CSMD1: variants seen among roughly 807,000 people sequenced by gnomAD.
CSMD1 encodes CUB and Sushi multiple domains 1.
CSMD1 carries 213 observed loss-of-function variants against 417.5 expected under a neutral mutation model. The ratio of observed to expected loss-of-function variants is 0.51; its 90% CI spans 0.46 to 0.57. CSMD1 has a LOEUF of 0.57. Ranked by LOEUF, CSMD1 falls within the 20% of genes least tolerant of loss-of-function variation. CSMD1 has a pLI of 0.00. For missense variants in CSMD1, 6,923 were observed against 4,529.7 expected, an observed-to-expected ratio of 1.53 and a Z score of -15.17; for synonymous variants, 2,862 against 1,736.8, an observed-to-expected ratio of 1.65 and a Z score of -16.11.
intron 5 of CSMD1, among the ~76,000 whole-genome samples, chr8:3,970,959 C>A (rs527482102): frequency 1.3e-5 from 2 of 152,028 alleles, no homozygotes; most frequent in African/African-American, 4.8e-5. Flanking sequence ...CCATGTTGGC[C>A]GGGCTGGTCT....
At chr8:2,994,904 T>C (rs1806743415) in intron 54 of CSMD1, among the ~76,000 whole-genome samples, 2 of 152,300 alleles carry the variant, frequency 1.3e-5, no homozygotes, top group South Asian at 4.1e-4. Flanking sequence ...TCTCAGACTT[T>C]ATACAAAAAT....
At chr8:3,035,975 T>C (rs1369882528) in intron 50 of CSMD1, among the ~76,000 whole-genome samples, 1 of 152,182 alleles carries the variant, frequency 6.6e-6, no homozygotes, top group Admixed American at 6.5e-5. Flanking sequence ...ACATGGTTAA[T>C]ACCATTGACT....
At chr8:3,763,355 C>A (rs1225005441) in intron 5 of CSMD1, among the ~76,000 whole-genome samples, 2 of 152,068 alleles carry the variant, frequency 1.3e-5, no homozygotes, top group East Asian at 1.9e-4. Flanking sequence ...GGGGGCAGAA[C>A]CCTCATGAAT....
Position 2,965,829 on chromosome 8 carries a change from T to C in CSMD1, c.9226A>G (p.Thr3076Ala). The C allele has an allele frequency of 1.9e-6, 3 of 1,609,100 alleles. No homozygotes were observed. The highest frequency in any genetic ancestry group is 2.5e-6 in the Non-Finnish European group (3 of 1,177,630). Residue 3076 changes from threonine to alanine, a missense_variant, in exon 59 of 70, where the codon ACT (threonine) becomes GCT (alanine). Coordinates refer to ENST00000635120, the MANE Select transcript of CSMD1 (RefSeq NM_033225.6). The part of the protein sequence containing the change: ...GYVMEAVTSA[T>A]IRCTKDGRWN... ...CTGCCGTCTTTGGTACAGCGAATAG[T>C]GGCGGATGTGACTGCTTCCATGACA...
At chr8:4,148,900 T>G (rs569626101) in intron 3 of CSMD1, among the ~76,000 whole-genome samples, 323 of 152,250 alleles carry the variant, frequency 2.1e-3, no homozygotes, top group Middle Eastern at 6.8e-3. Context: ...ATTCCCAACA[T>G]AGTTCACCAT....
intron 5 of CSMD1, among the ~76,000 whole-genome samples, chr8:3,779,110 T>G (rs1359597405): frequency 6.6e-6 from 1 of 151,998 alleles, no homozygotes; most frequent in Non-Finnish European, 1.5e-5. Flanking sequence ...TAATGTCTAT[T>G]TTTCAGATAA....
At chr8:3,283,784 C>G (rs963509082) in intron 26 of CSMD1, among the ~76,000 whole-genome samples, 3 of 152,246 alleles carry the variant, frequency 2.0e-5, no homozygotes, top group African/African-American at 7.2e-5. Flanking sequence ...TTTATCACCA[C>G]TAAATTCTAT....
intron 3 of CSMD1, among the ~76,000 whole-genome samples, chr8:4,324,946 T>C (rs528757207): frequency 5.9e-4 from 89 of 152,134 alleles, no homozygotes; most frequent in African/African-American, 2.0e-3. Flanking sequence ...AAGGAGGCAA[T>C]TGTATTTGGA....
intron 3 of CSMD1, among the ~76,000 whole-genome samples, chr8:4,358,872 A>G (rs538649933): frequency 5.9e-5 from 9 of 152,164 alleles, no homozygotes; most frequent in Non-Finnish European, 8.8e-5. Context: ...GGTTTTACCA[A>G]TAATCACCAT....
intron 5 of CSMD1, among the ~76,000 whole-genome samples, chr8:3,920,292 CCCAAAGTGCTGAGAT>C (rs1809143735): frequency 6.6e-6 from 1 of 152,016 alleles, no homozygotes; most frequent in South Asian, 2.1e-4. Context: ...ACTTCAACCT[CCCAAAGTGCTGAGAT>C]TATAGGAGTG....
rs867716199 is a variant in CSMD1, at chr8:4,364,812, G to A, written c.415+55141C>T. Among the ~76,000 whole-genome samples, 12 of 9,740 alleles carry A rather than the reference G, an allele frequency of 1.2e-3. 5 individuals carry two copies. Among genetic ancestry groups the A allele is most frequent in the East Asian group, 2.7e-3 (1 of 364 alleles). 6.4% of individuals were successfully genotyped at this position (9,740 alleles called of 152,430 possible). On this transcript the variant is annotated intron_variant, in intron 3 of 69. Transcript: ENST00000635120. ...TGCACTCCAGCCTGCGCGACAGAGCGAGACTCCTTCTCAAAAAAAAAAAAA... is the reference window on the plus strand; with the variant it reads ...TGCACTCCAGCCTGCGCGACAGAGCAAGACTCCTTCTCAAAAAAAAAAAAA...
At chr8:3,122,866 AG>A (rs1231141166) in intron 41 of CSMD1, among the ~76,000 whole-genome samples, 2 of 152,176 alleles carry the variant, frequency 1.3e-5, no homozygotes, top group Admixed American at 1.3e-4. Flanking sequence ...ACCATACAGT[AG>A]CTACATTATA....
At chr8:3,677,882 T>A (rs947047547) in intron 7 of CSMD1, among the ~76,000 whole-genome samples, 3 of 152,198 alleles carry the variant, frequency 2.0e-5, no homozygotes, top group African/African-American at 7.2e-5. Context: ...CAGCCCTTTT[T>A]TTCCATCATG....
chr8:4,431,866 A>G (rs1281912376), intron 2 of CSMD1, among the ~76,000 whole-genome samples: 1 of 152,236 alleles, frequency 6.6e-6, no homozygotes, highest in Non-Finnish European at 1.5e-5. Flanking sequence ...TTGGTGGAAT[A>G]AAATTTATTA....
intron 54 of CSMD1, among the ~76,000 whole-genome samples, chr8:2,995,651 G>A (rs1047048304): frequency 9.9e-5 from 15 of 152,110 alleles, no homozygotes; most frequent in Admixed American, 3.9e-4. Flanking sequence ...CAACCCAGAC[G>A]TCCTTCAATG....
intron 1 of CSMD1, among the ~76,000 whole-genome samples, chr8:4,806,091 A>AT (rs1260363241): frequency 1.3e-5 from 2 of 152,172 alleles, no homozygotes; most frequent in Non-Finnish European, 2.9e-5. Context: ...ACAATCTCTA[A>AT]TTTTAAAATG....
chr8:4,444,069 C>A (rs1798638160), intron 2 of CSMD1, among the ~76,000 whole-genome samples: 1 of 152,164 alleles, frequency 6.6e-6, no homozygotes, highest in Non-Finnish European at 1.5e-5. Flanking sequence ...TGGCCTGGCA[C>A]AGTAGCTCAT....
intron 5 of CSMD1, among the ~76,000 whole-genome samples, chr8:3,902,870 TTTCC>T (rs10589742): frequency 0.2 from 30,882 of 151,932 alleles, 3,641 homozygotes; most frequent in East Asian, 0.32. Context: ...TACATCCAAC[TTTCC>T]TTCCATCTAA....
intron 5 of CSMD1, among the ~76,000 whole-genome samples, chr8:3,922,959 G>A (rs113274324): frequency 2.6e-5 from 4 of 152,132 alleles, no homozygotes; most frequent in South Asian, 2.1e-4. Context: ...AGCCCCTTGA[G>A]GTGTTCATCC....
Sources: allele counts gnomAD v4.1 joint callset (sites outside exome capture counted in the v4.1 genomes callset), GRCh38; gene constraint gnomAD v4.1.1; transcripts MANE v1.5; gene names NCBI Gene and HGNC (gene_info 2026-07-23, HGNC 2026-07-21).